Variants in RUBCNL observed in about 807,000 individuals in gnomAD.
RUBCNL encodes protein associated with UVRAG as autophagy enhancer.
RUBCNL carries 62 observed loss-of-function variants against 69.5 expected under a neutral mutation model. The ratio of observed to expected loss-of-function variants is 0.89; its 90% confidence interval spans 0.73 to 1.10. The LOEUF is 1.10. Ranked by LOEUF, RUBCNL falls within the 50% of genes least tolerant of loss-of-function variation. RUBCNL has a pLI of 0.00. For synonymous variants in RUBCNL, 291 were observed against 303.6 expected, an observed-to-expected ratio of 0.96 and a Z score of 0.43; for missense variants, 768 against 798.1, an observed-to-expected ratio of 0.96 and a Z score of 0.45.
chr13:46,337,397 G>A lies in RUBCNL; in HGVS notation c.*5988C>T, dbSNP rs1379136682. ...CGTGATATGCCTGTCTCAGCCTGAGGCATATATCTCAACTTTGGGAGTGCT... is the reference window on the plus strand; with the variant it reads ...CGTGATATGCCTGTCTCAGCCTGAGACATATATCTCAACTTTGGGAGTGCT... On this transcript the variant is annotated 3_prime_UTR_variant, in exon 15 of 15. Coordinates refer to ENST00000429979, the MANE Select transcript of RUBCNL (RefSeq NM_025113.5). Among the ~76,000 whole-genome samples the A allele has an allele frequency of 1.3e-5, 2 of 152,032 alleles. No homozygotes were observed. Among genetic ancestry groups the A allele is most frequent in the Non-Finnish European group, 2.9e-5 (2 of 68,010 alleles).
At chr13:46,385,958 G>A (rs1342409408) in intron 1 of RUBCNL, among the ~76,000 whole-genome samples, 4 of 152,136 alleles carry the variant, frequency 2.6e-5, no homozygotes, top group Non-Finnish European at 5.9e-5. Flanking sequence ...AGTTTCATGT[G>A]GCAGTGCAGA....
Position 46,337,489 on chromosome 13 carries a change from T to G in RUBCNL, c.*5896A>C, listed in dbSNP as rs2048111897. ...TCCTTTCTACCATGTAAGGATACAG[T>G]GAGATAGTGCCATCTATGAACCAGG... On this transcript the variant is annotated 3_prime_UTR_variant, in exon 15 of 15. Transcript: ENST00000429979. Among the ~76,000 whole-genome samples, 1 of 152,160 alleles carries G rather than the reference T, an allele frequency of 6.6e-6. No individual in the cohort carries two copies. The highest frequency in any genetic ancestry group is 1.5e-5 in the Non-Finnish European group (1 of 68,030).
intron 2 of RUBCNL, among the ~76,000 whole-genome samples, chr13:46,376,336 T>C (rs909770069): frequency 4.6e-5 from 7 of 152,128 alleles, no homozygotes; most frequent in African/African-American, 1.4e-4. Context: ...ATATATACCT[T>C]TGTATATAAC....
At chr13:46,344,266 G>C (rs1446578253) in intron 14 of RUBCNL, among the ~76,000 whole-genome samples, 2 of 152,166 alleles carry the variant, frequency 1.3e-5, no homozygotes, top group Non-Finnish European at 2.9e-5. Flanking sequence ...AGAGTTTACA[G>C]AACACGGGAT....
At chr13:46,375,712 C>G (rs960712778) in intron 2 of RUBCNL, among the ~76,000 whole-genome samples, 1 of 152,114 alleles carries the variant, frequency 6.6e-6, no homozygotes, top group African/African-American at 2.4e-5. Flanking sequence ...GAAAACTGTT[C>G]TTGAGACTTT....
chr13:46,387,610 T>G (rs888020263), upstream of RUBCNL: 4 of 985,382 alleles, frequency 4.1e-6, no homozygotes, highest in African/African-American at 5.2e-5. Context: ...TTAGCAGTCA[T>G]ACAATTGCCT....
intron 1 of RUBCNL, among the ~76,000 whole-genome samples, chr13:46,382,595 T>C (rs2765622): frequency 0.4 from 60,272 of 152,048 alleles, 12,615 homozygotes; most frequent in East Asian, 0.59. Context: ...TGCAGTGGCA[T>C]GATCTCAGTT....
intron 12 of RUBCNL, among the ~76,000 whole-genome samples, chr13:46,346,160 C>G (rs1462808123): frequency 1.3e-5 from 2 of 152,216 alleles, no homozygotes; most frequent in Non-Finnish European, 2.9e-5. Flanking sequence ...CCAAACCCGG[C>G]AGGTGTCGAC....
At chr13:46,359,850 G>A (rs749414621) in intron 8 of RUBCNL, among the ~76,000 whole-genome samples, 16 of 152,152 alleles carry the variant, frequency 1.1e-4, no homozygotes, top group Non-Finnish European at 1.8e-4. Flanking sequence ...ACTTTTCTTA[G>A]TATTTTTAGT....
chr13:46,352,967 C>G (rs77112172), intron 10 of RUBCNL, among the ~76,000 whole-genome samples: 1,830 of 152,258 alleles, frequency 0.012, 43 homozygotes, highest in African/African-American at 0.042. Flanking sequence ...AGTTATTTCC[C>G]CTATTTCACT....
rs1566534671 is a variant in RUBCNL, at chr13:46,341,199, C to CACTG, written c.*2182_*2185dup. Among the ~76,000 whole-genome samples, 1 of 152,206 alleles carries CACTG rather than the reference C, an allele frequency of 6.6e-6. No individual in the cohort carries two copies. Among genetic ancestry groups the CACTG allele is most frequent in the Non-Finnish European group, 1.5e-5 (1 of 68,036 alleles). On this transcript the variant is annotated 3_prime_UTR_variant, in exon 15 of 15. Transcript: ENST00000429979. ...AAGAGTGCAGAGGCAGAAAATGAAT[C>CACTG]ACTGACCTTTACAGCACTGCAACTG...
Position 46,387,217 on chromosome 13 carries a change from C to G in RUBCNL, c.-322G>C. 2.0e-6 allele frequency: 2 copies of G among 985,368 alleles called. No homozygotes were observed. The highest frequency in any genetic ancestry group is 2.4e-6 in the Non-Finnish European group (2 of 829,954). The allele number at this position is 985,368 out of a possible 1,614,324, so 61.0% of individuals were successfully genotyped here. A position where few individuals can be genotyped will look rare whatever the true frequency, so the allele number is the denominator to read the frequency against. On this transcript the variant is annotated 5_prime_UTR_variant, in exon 1 of 15. Transcript: ENST00000429979. ...CCTCGCGCGGCTCCGGGCAGCGTTC[C>G]GTGGCCACCGCGCTCCCGGTAACAG...
At chr13:46,348,357 AATG>A (rs1395496688) in intron 12 of RUBCNL, among the ~76,000 whole-genome samples, 1 of 152,190 alleles carries the variant, frequency 6.6e-6, no homozygotes, top group Non-Finnish European at 1.5e-5. Context: ...ACCACAATTT[AATG>A]ATAACAATAA....
At chr13:46,363,850 G>A (rs1282218414) in intron 5 of RUBCNL, among the ~76,000 whole-genome samples, 2 of 147,088 alleles carry the variant, frequency 1.4e-5, no homozygotes, top group Non-Finnish European at 1.5e-5. Flanking sequence ...GACAGAGTAA[G>A]ACCCTGTCTC....
rs991242993 is a variant in RUBCNL, at chr13:46,336,815, T to C, written c.*6570A>G. ...AAAAATGTTGCTGTGAAGAAGATCATAGAGGTAGAACTGGAAAGGAATGTG... is the reference window on the plus strand; with the variant it reads ...AAAAATGTTGCTGTGAAGAAGATCACAGAGGTAGAACTGGAAAGGAATGTG... On this transcript the variant is annotated 3_prime_UTR_variant, in exon 15 of 15. Coordinates refer to ENST00000429979, the MANE Select transcript of RUBCNL (RefSeq NM_025113.5). Among the ~76,000 whole-genome samples, 2 of 152,112 alleles carry C rather than the reference T, an allele frequency of 1.3e-5. No individual in the cohort carries two copies. The highest frequency in any genetic ancestry group is 6.5e-5 in the Admixed American group (1 of 15,268).
intron 10 of RUBCNL, among the ~76,000 whole-genome samples, chr13:46,351,680 A>C: frequency 6.6e-6 from 1 of 152,204 alleles, no homozygotes. Flanking sequence ...ATCCAGTTAC[A>C]AATAGGTATA....
At position 46,383,518 on chromosome 13, in the gene RUBCNL, T is replaced by TAC. The variant is rs147443161; in HGVS notation, c.-239+3614_-239+3615dup. ...GTGCCTGGCACAGTTCCAAATTTTC[T>TAC]ACACACACACACACATCATTTCCTT... is the stretch of plus-strand genomic sequence containing the variant. On this transcript the variant is annotated intron_variant, in intron 1 of 14. Coordinates refer to ENST00000429979, the MANE Select transcript of RUBCNL (RefSeq NM_025113.5). Among the ~76,000 whole-genome samples, 1,093 of 152,092 alleles carry TAC rather than the reference T, an allele frequency of 7.2e-3. 6 individuals carry two copies. Among genetic ancestry groups the TAC allele is most frequent in the African/African-American group, 0.014 (579 of 41,474 alleles).
chr13:46,388,319 A>T (rs1273863958), upstream of RUBCNL, among the ~76,000 whole-genome samples: 2 of 146,346 alleles, frequency 1.4e-5, no homozygotes, highest in Non-Finnish European at 3.0e-5. Context: ...GGAAGGAAGG[A>T]AGGAAGGAAC....
rs1256272556 is a variant in RUBCNL, at chr13:46,372,027, C to T, written c.449G>A (p.Ser150Asn). 3 of 1,614,002 alleles carry T rather than the reference C, an allele frequency of 1.9e-6. No homozygotes were observed. Among genetic ancestry groups the T allele is most frequent in the East Asian group, 2.2e-5 (1 of 44,874 alleles). Residue 150 changes from serine (S) to asparagine (N), a missense_variant, in exon 3 of 15, where the codon AGC becomes AAC. Ser to Asn is a conservative substitution (Grantham distance 46). Transcript: ENST00000429979. ...GYSHRVSLPT[S>N]PGILATSPYP... ...TGGGGAGGTGGCCAAAATCCCAGGGCTTGTGGGCAGAGACACCCGATGAGA... is the reference window on the plus strand; with the variant it reads ...TGGGGAGGTGGCCAAAATCCCAGGGTTTGTGGGCAGAGACACCCGATGAGA...
Sources: allele counts gnomAD v4.1 joint callset (sites outside exome capture counted in the v4.1 genomes callset), GRCh38; gene constraint gnomAD v4.1.1; transcripts MANE v1.5; gene names NCBI Gene and HGNC (gene_info 2026-07-23, HGNC 2026-07-21).